Variants in PSD3 observed in about 807,000 individuals in gnomAD.
PSD3 encodes the protein pleckstrin and Sec7 domain containing 3.
PSD3 carries 49 observed loss-of-function variants against 105.5 expected under a neutral mutation model. The ratio of observed to expected loss-of-function variants is 0.46; its 90% CI spans 0.37 to 0.59. The LOEUF is 0.59. Among genes scored for constraint, PSD3 ranks in the 20% least tolerant of loss-of-function variants. The pLI, the probability that PSD3 is intolerant of heterozygous loss-of-function variation, is 0.00. For missense variants in PSD3, 1,561 were observed against 1,263.8 expected (o/e 1.24, Z -3.57); for synonymous variants, 557 against 457.8 (o/e 1.22, Z -2.77).
At chr8:18,916,031 G>C (rs529080294) in intron 2 of PSD3, among the ~76,000 whole-genome samples, 2 of 152,050 alleles carry the variant, frequency 1.3e-5, no homozygotes, top group South Asian at 4.1e-4. Flanking sequence ...AGGAGGCGGA[G>C]GTTGCAGTGA....
At chr8:19,068,987 T>C (rs1182835442) in intron 1 of PSD3, among the ~76,000 whole-genome samples, 3 of 152,110 alleles carry the variant, frequency 2.0e-5, no homozygotes, top group Admixed American at 2.0e-4. Flanking sequence ...CAAATCCTTA[T>C]TATGCTTCAT....
intron 10 of PSD3, among the ~76,000 whole-genome samples, chr8:18,634,498 T>C (rs1208026267): frequency 6.6e-6 from 1 of 151,948 alleles, no homozygotes; most frequent in African/African-American, 2.4e-5. Flanking sequence ...TAAACTCGGC[T>C]TCATTTGGAT....
In PSD3 at chr8:19,053,438, T is replaced by C. The variant is rs182084705; in HGVS notation, c.324+30768A>G. Among the ~76,000 whole-genome samples the C allele has an allele frequency of 4.1e-4, 63 of 152,178 alleles. No individual in the cohort carries two copies. The South Asian group carries it at 0.012, about 29-fold the overall frequency. ...AGAGAAAGCTTCATTTCTTATCAAA[T>C]GAGGAGATGAAGTAAGGAAACAAAG... On this transcript the variant is annotated intron_variant, in intron 1 of 1. Coordinates refer to the PSD3 transcript ENST00000521475.
intron 8 of PSD3, among the ~76,000 whole-genome samples, chr8:18,771,675 A>T (rs1807545252): frequency 6.6e-6 from 1 of 152,160 alleles, no homozygotes; most frequent in South Asian, 2.1e-4. Context: ...ATTTTTAGAC[A>T]CTTGATTATA....
intron 8 of PSD3, among the ~76,000 whole-genome samples, chr8:18,766,789 C>T (rs962501263): frequency 6.6e-6 from 1 of 152,196 alleles, no homozygotes; most frequent in Non-Finnish European, 1.5e-5. Flanking sequence ...GGCTCTAGTT[C>T]CCCAAGTCCC....
intron 2 of PSD3, chr8:18,924,467 C>A (rs553419869): frequency 6.6e-6 from 1 of 152,236 alleles, no homozygotes; most frequent in East Asian, 1.9e-4. Context: ...GGACTAGCCA[C>A]AAAATTATAA....
chr8:18,709,494 C>T (rs1389173961), intron 9 of PSD3, among the ~76,000 whole-genome samples: 2 of 152,342 alleles, frequency 1.3e-5, no homozygotes, highest in East Asian at 1.9e-4. Context: ...CAAGGGGCAG[C>T]CAGGCTGCTT....
chr8:18,755,019 T>C (rs141851081), intron 9 of PSD3, among the ~76,000 whole-genome samples: 1 of 152,046 alleles, frequency 6.6e-6, no homozygotes, highest in Non-Finnish European at 1.5e-5. Context: ...TGACATATCA[T>C]AAGCAAAAAG....
At chr8:18,655,754 A>T (rs1808840469) in intron 9 of PSD3, 69 bp from the exon 10 acceptor site, 1 of 1,443,878 alleles carries the variant, frequency 6.9e-7, no homozygotes, top group South Asian at 1.2e-5. Context: ...TCAGCAAATG[A>T]CCAAGTAATT....
chr8:19,051,262 T>G (rs1264812884), intron 1 of PSD3, among the ~76,000 whole-genome samples: 1 of 119,430 alleles, frequency 8.4e-6, no homozygotes, highest in African/African-American at 2.5e-5. Context: ...GCGCTCGTCC[T>G]TCAGTTCTCA....
intron 4 of PSD3, among the ~76,000 whole-genome samples, chr8:18,811,073 G>T (rs1376363526): frequency 2.0e-5 from 3 of 152,202 alleles, no homozygotes; most frequent in Non-Finnish European, 1.5e-5. Context: ...TAAATGAGAA[G>T]TTATTCAGAA....
intron 8 of PSD3, among the ~76,000 whole-genome samples, chr8:18,777,899 T>C (rs1585946302): frequency 6.6e-6 from 1 of 152,178 alleles, no homozygotes. Flanking sequence ...GCATACAATA[T>C]GTGTCTTTCA....
At chr8:18,582,016 A>G (rs2130418500) in intron 12 of PSD3, among the ~76,000 whole-genome samples, 1 of 152,314 alleles carries the variant, frequency 6.6e-6, no homozygotes, top group African/African-American at 2.4e-5. Flanking sequence ...TGTCTGGGGG[A>G]AAGGAACAAA....
chr8:18,666,732 G>GC (rs1267515726), intron 9 of PSD3, among the ~76,000 whole-genome samples: 1 of 143,164 alleles, frequency 7.0e-6, no homozygotes, highest in Admixed American at 7.3e-5. Context: ...TTTGGGGGGT[G>GC]GGGGGAAGTA....
At position 18,686,024 on chromosome 8, in the gene PSD3, A is replaced by AAAAC. The variant is rs943297038; in HGVS notation, c.2173-30343_2173-30340dup. On this transcript the variant is annotated intron_variant, in intron 9 of 15. Transcript: ENST00000327040. ...TTCTCCACCAAAATGGTTAGATTAA[A>AAAAC]AAACAAACAAACAAACAACAACAAC... Among the ~76,000 whole-genome samples, 6 of 152,284 alleles carry AAAAC rather than the reference A, an allele frequency of 3.9e-5. No individual in the cohort carries two copies. The South Asian group carries it at 8.3e-4, about 21-fold the overall frequency.
intron 9 of PSD3, among the ~76,000 whole-genome samples, chr8:18,664,498 G>T (rs1405660198): frequency 6.6e-6 from 1 of 152,154 alleles, no homozygotes; most frequent in Non-Finnish European, 1.5e-5. Flanking sequence ...AAAGTTTGAA[G>T]GTAACAGATG....
At chr8:18,772,544 C>T (rs868132354) in intron 8 of PSD3, among the ~76,000 whole-genome samples, 90 of 152,016 alleles carry the variant, frequency 5.9e-4, no homozygotes, top group African/African-American at 2.1e-3. Context: ...GTTTTGCTCT[C>T]GTGGCCCAGG....
intron 12 of PSD3, among the ~76,000 whole-genome samples, chr8:18,580,473 C>G (rs1029733521): frequency 3.3e-5 from 5 of 151,988 alleles, no homozygotes; most frequent in Admixed American, 3.3e-4. Context: ...TTGGTTGAGC[C>G]TAGGAGGTCA....
At chr8:18,661,170 A>G (rs1245871135) in intron 9 of PSD3, among the ~76,000 whole-genome samples, 4 of 152,152 alleles carry the variant, frequency 2.6e-5, no homozygotes, top group African/African-American at 4.8e-5. Flanking sequence ...CTAAACTCCA[A>G]TGAATTTTTT....
Sources: allele counts gnomAD v4.1 joint callset (sites outside exome capture counted in the v4.1 genomes callset), GRCh38; gene constraint gnomAD v4.1.1; transcripts MANE v1.5; gene names NCBI Gene and HGNC (gene_info 2026-07-23, HGNC 2026-07-21).